SHANK2: variants seen among roughly 807,000 people sequenced by gnomAD.
SHANK2 encodes the protein SH3 and multiple ankyrin repeat domains protein 2.
In SHANK2, 43 loss-of-function variants were observed where a neutral mutation model predicts 133.7. That is an observed-to-expected ratio of 0.32 (90% CI 0.25 to 0.41). The LOEUF is 0.41. SHANK2 is among the 10% of genes least tolerant of loss of function. The probability of loss-of-function intolerance (pLI) is 1.00; values close to 1 mark genes in which losing one functional copy is unlikely to be tolerated. For synonymous variants in SHANK2, 1,017 were observed against 952.8 expected (o/e 1.07, Z -1.24); for missense variants, 1,994 against 2,235.8 (o/e 0.89, Z 2.18).
At chr11:70,475,811 G>A (rs2058655501) in intron 25 of SHANK2, among the ~76,000 whole-genome samples, 1 of 152,172 alleles carries the variant, frequency 6.6e-6, no homozygotes, top group Non-Finnish European at 1.5e-5. Context: ...TCTAGAACCT[G>A]CCCCCACCCT....
At chr11:70,623,741 T>A (rs1373224695) in intron 17 of SHANK2, among the ~76,000 whole-genome samples, 1 of 152,232 alleles carries the variant, frequency 6.6e-6, no homozygotes, top group Non-Finnish European at 1.5e-5. Flanking sequence ...GGCTGCATTT[T>A]GAGTGCTCAG....
At chr11:71,074,194 C>G (rs1433039787) in intron 9 of SHANK2, among the ~76,000 whole-genome samples, 1 of 152,140 alleles carries the variant, frequency 6.6e-6, no homozygotes, top group African/African-American at 2.4e-5. Flanking sequence ...CTTCCCGGTG[C>G]CCCCCAGGGT....
chr11:70,805,079 G>T (rs1347225660), intron 13 of SHANK2, among the ~76,000 whole-genome samples: 1 of 152,196 alleles, frequency 6.6e-6, no homozygotes, highest in Non-Finnish European at 1.5e-5. Flanking sequence ...CAGATGCCCA[G>T]CCCCAGGCTC....
At chr11:70,655,450 A>G (rs1555011334) in intron 17 of SHANK2, among the ~76,000 whole-genome samples, 1 of 152,178 alleles carries the variant, frequency 6.6e-6, no homozygotes, top group African/African-American at 2.4e-5. Flanking sequence ...CCCCATCTGT[A>G]AAATGGGGAG....
chr11:70,810,013 C>T (rs1267507857), intron 12 of SHANK2, among the ~76,000 whole-genome samples: 12 of 152,204 alleles, frequency 7.9e-5, no homozygotes, highest in African/African-American at 2.9e-4. Flanking sequence ...AGCAGTGCAT[C>T]GATGTGCACA....
At chr11:70,526,688 C>T (rs551510104) in intron 17 of SHANK2, among the ~76,000 whole-genome samples, 2 of 152,320 alleles carry the variant, frequency 1.3e-5, no homozygotes, top group Non-Finnish European at 2.9e-5. Context: ...ACCTCGCAGG[C>T]GTAACCCTTT....
intron 6 of SHANK2, among the ~76,000 whole-genome samples, chr11:71,099,486 T>C (rs901617650): frequency 6.6e-6 from 1 of 152,162 alleles, no homozygotes; most frequent in Admixed American, 6.5e-5. Context: ...GAAAAGTTTG[T>C]TTACAAATGT....
chr11:70,502,398 CG>C, intron 18 of SHANK2, 112 bp from the exon 19 acceptor site: 1 of 977,112 alleles, frequency 1.0e-6, no homozygotes, highest in Non-Finnish European at 1.5e-6. Context: ...TGTTTGGCTG[CG>C]GTGGTCAGGG....
intron 10 of SHANK2, among the ~76,000 whole-genome samples, chr11:70,943,287 A>G (rs1950673442): frequency 6.6e-6 from 1 of 152,164 alleles, no homozygotes; most frequent in Non-Finnish European, 1.5e-5. Context: ...CACTTCTTAG[A>G]TAAACTCAAC....
chr11:71,100,136 G>A (rs1243756043), intron 6 of SHANK2, among the ~76,000 whole-genome samples: 1 of 152,016 alleles, frequency 6.6e-6, no homozygotes, highest in Non-Finnish European at 1.5e-5. Flanking sequence ...GGAGGATGTG[G>A]AGCAACAGGA....
At chr11:70,683,499 T>G (rs1463242179) in intron 15 of SHANK2, among the ~76,000 whole-genome samples, 2 of 152,224 alleles carry the variant, frequency 1.3e-5, no homozygotes, top group African/African-American at 4.8e-5. Context: ...TCTCAGAGTT[T>G]CCTGTGGACA....
chr11:70,493,373 TAAAAAA>T (rs71049919), intron 21 of SHANK2, among the ~76,000 whole-genome samples: 2 of 123,432 alleles, frequency 1.6e-5, no homozygotes, highest in Admixed American at 8.3e-5. Flanking sequence ...CCATTTCCTT[TAAAAAA>T]AAAAAAAAAA....
chr11:71,218,649 A>T (rs564462455), intron 2 of SHANK2, among the ~76,000 whole-genome samples: 36 of 151,890 alleles, frequency 2.4e-4, no homozygotes, highest in Middle Eastern at 3.4e-3. Flanking sequence ...CCTTCTCACC[A>T]CCCAGCTGTC....
chr11:70,935,181 T>C (rs1302032447), intron 10 of SHANK2, among the ~76,000 whole-genome samples: 11 of 152,226 alleles, frequency 7.2e-5, no homozygotes, highest in Non-Finnish European at 1.3e-4. Flanking sequence ...TGCTCCGTCC[T>C]GCCCAGGATG....
intron 1 of SHANK2, among the ~76,000 whole-genome samples, chr11:71,228,794 C>A (rs555115478): frequency 2.5e-4 from 38 of 152,080 alleles, no homozygotes; most frequent in Non-Finnish European, 4.6e-4. Context: ...AAAGAAGATA[C>A]CTTATACAAA....
In SHANK2 at chr11:70,486,812, C is replaced by T; in HGVS notation, c.3481G>A (p.Ala1161Thr). 3.1e-6 allele frequency: 5 copies of T among 1,612,328 alleles called. No homozygotes were observed. Among genetic ancestry groups the T allele is most frequent in the East Asian group, 2.2e-5 (1 of 44,856 alleles). Residue 1161 changes from alanine (A) to threonine (T), a missense_variant, in exon 25 of 26, where the codon GCC (alanine) becomes ACC (threonine). Physicochemically the swap from Ala to Thr is moderately conservative, Grantham distance 58. Coordinates refer to ENST00000601538, the MANE Select transcript of SHANK2 (RefSeq NM_012309.5). This position sits in a 1 kb window ranked among gnomAD's most constrained non-coding sequence, Gnocchi z 8.0. ...REPENHFVGG[A>T]EASAPGEAGR... ...GCCTCACCCGGAGCACTGGCCTCGG[C>T]GCCACCCACGAAATGGTTTTCGGGC...
intron 15 of SHANK2, among the ~76,000 whole-genome samples, chr11:70,688,938 G>T (rs1565243137): frequency 6.6e-6 from 1 of 152,198 alleles, no homozygotes; most frequent in African/African-American, 2.4e-5. Context: ...TGTCCCATAG[G>T]TATGCATGAG....
rs1218528203 is a variant in SHANK2, at chr11:70,882,187, G to A, written c.1174+14314C>T. Among the ~76,000 whole-genome samples the A allele has an allele frequency of 6.6e-6, 1 of 152,154 alleles. No individual in the cohort carries two copies. Among genetic ancestry groups the A allele is most frequent in the Non-Finnish European group, 1.5e-5 (1 of 68,022 alleles). On this transcript the variant is annotated intron_variant, in intron 11 of 25. Transcript: ENST00000601538. The surrounding 1 kb of genome is among the most constrained non-coding windows in gnomAD (Gnocchi z 4.2). ...ATGGAGGAGGAGGAGGAGGGAGGGA[G>A]TGGGGAAAGGGAAGGAATGAGCAAG...
chr11:70,776,771 C>G lies in SHANK2; in HGVS notation c.1777+21672G>C, dbSNP rs371383601. ...CTATTTATCCATCTACTCACCCACTCAGCCACCCATCCATTCACCCATCCA... is the reference window on the plus strand; with the variant it reads ...CTATTTATCCATCTACTCACCCACTGAGCCACCCATCCATTCACCCATCCA... On this transcript the variant is annotated intron_variant, in intron 14 of 25. Transcript: ENST00000601538. 4.3e-4 allele frequency among the ~76,000 whole-genome samples: 65 copies of G among 151,798 alleles called. 2 individuals carry two copies. The highest frequency in any genetic ancestry group is 1.5e-3 in the African/African-American group (62 of 41,342).
Sources: allele counts gnomAD v4.1 joint callset (sites outside exome capture counted in the v4.1 genomes callset), GRCh38; gene constraint gnomAD v4.1.1; non-coding constraint Gnocchi (gnomAD v3.1); transcripts MANE v1.5; gene names NCBI Gene and HGNC (gene_info 2026-07-23, HGNC 2026-07-21).